Variants in ZNF81 observed in about 807,000 individuals in gnomAD.
The protein encoded by ZNF81 is zinc finger protein 81 (HFZ20).
Under a neutral mutation model 32.3 loss-of-function variants are expected in ZNF81, and 5 were observed. The observed-to-expected ratio is 0.15, with a 90% CI of 0.08 to 0.33. ZNF81 has a LOEUF of 0.33. Among genes scored for constraint, ZNF81 ranks in the 10% least tolerant of loss-of-function variants. The probability of loss-of-function intolerance (pLI) is 1.00; values close to 1 mark genes in which losing one functional copy is unlikely to be tolerated. For synonymous variants in ZNF81, 163 were observed against 166.8 expected, an observed-to-expected ratio of 0.98 and a Z score of 0.17; for missense variants, 379 against 479.8, an observed-to-expected ratio of 0.79 and a Z score of 1.96.
At chrX:47,869,679 A>ATTTTG (rs782420758) in intron 2 of ZNF81, among the ~76,000 whole-genome samples, 1 of 109,092 alleles carries the variant, frequency 9.2e-6, no homozygotes, top group African/African-American at 3.4e-5. Context: ...GTTTTTTTTT[A>ATTTTG]TTTTGTTTTG....
chrX:47,891,964 G>A (rs1463618707), intron 3 of ZNF81, among the ~76,000 whole-genome samples: 1 of 111,411 alleles, frequency 9.0e-6, no homozygotes, highest in African/African-American at 3.3e-5. Context: ...AGGGGTTCTG[G>A]GTCTGAGTCT....
At chrX:47,865,220 A>C (rs186522726) in intron 2 of ZNF81, among the ~76,000 whole-genome samples, 26 of 112,000 alleles carry the variant, frequency 2.3e-4, no homozygotes, top group African/African-American at 8.4e-4. Context: ...GGGACAGGCC[A>C]GTTATACTCT....
rs916454261 is a variant in ZNF81, at chrX:47,914,785, A to G, written c.278-139A>G. ...TAAGAGTTTGGCACATAAAAGTGCTATATATGTATTTCCTGTCATCATTGT... is the reference window on the plus strand; with the variant it reads ...TAAGAGTTTGGCACATAAAAGTGCTGTATATGTATTTCCTGTCATCATTGT... On this transcript the variant is annotated intron_variant, in intron 4 of 4. Transcript: ENST00000338637. 54 of 553,517 alleles carry G rather than the reference A, an allele frequency of 9.8e-5. No individual in the cohort carries two copies. The African/African-American group carries it at 1.2e-3, about 12-fold the overall frequency. The allele number at this position is 553,517 out of a possible 1,213,427, so 45.6% of individuals were successfully genotyped here.
chrX:47,866,461 G>A (rs2149392), intron 2 of ZNF81, among the ~76,000 whole-genome samples: 48,181 of 110,683 alleles, frequency 0.44, 7,821 homozygotes, highest in East Asian at 0.63. Context: ...GTAGCCGGGC[G>A]GATTCATGTT....
intron 3 of ZNF81, among the ~76,000 whole-genome samples, chrX:47,891,694 A>C (rs1556886493): frequency 8.9e-6 from 1 of 112,128 alleles, no homozygotes; most frequent in East Asian, 2.8e-4. Flanking sequence ...CTAAAACTCC[A>C]TTAACCACTA....
chrX:47,910,393 AAAAC>A (rs1329130200), intron 4 of ZNF81, among the ~76,000 whole-genome samples: 3 of 112,016 alleles, frequency 2.7e-5, no homozygotes, highest in African/African-American at 6.5e-5. Context: ...TTACAAGAAA[AAAAC>A]AAACAACCCC....
chrX:47,846,419 C>T, intron 2 of ZNF81, 98 bp downstream of exon 2: 5 of 1,023,356 alleles, frequency 4.9e-6, no homozygotes, highest in Non-Finnish European at 6.7e-6. Flanking sequence ...CTTTTTTTAG[C>T]AGGCAGGAAA....
intron 2 of ZNF81, among the ~76,000 whole-genome samples, chrX:47,877,685 A>T (rs1316866247): frequency 8.9e-6 from 1 of 111,754 alleles, no homozygotes; most frequent in Non-Finnish European, 1.9e-5. Context: ...GCACAGTAGC[A>T]ACTTCTTATT....
rs185895547 is a variant in ZNF81, at chrX:47,925,379, G to A, written c.*8747G>A. Among the ~76,000 whole-genome samples, 1,169 of 111,496 alleles carry A rather than the reference G, an allele frequency of 0.01. 8 individuals are homozygous for A. The highest frequency in any genetic ancestry group is 0.017 in the Non-Finnish European group (901 of 52,994). ...TTTCTATTGTTATAGATTAGTTTGC[G>A]TTTCCTACAATTTTATACACATGGA... is the stretch of plus-strand genomic sequence containing the variant. On this transcript the variant is annotated 3_prime_UTR_variant, in exon 5 of 5. Transcript: ENST00000338637.
intron 3 of ZNF81, among the ~76,000 whole-genome samples, chrX:47,895,011 G>T (rs970975041): frequency 9.0e-6 from 1 of 111,458 alleles, no homozygotes; most frequent in African/African-American, 3.3e-5. Context: ...TGTGATTTTT[G>T]ACTTACAAGT....
Position 47,839,934 on chromosome X carries a change from A to T in ZNF81, c.-164+2947A>T, listed in dbSNP as rs200578832. On this transcript the variant is annotated intron_variant, in intron 1 of 4. Transcript: ENST00000338637. ...TTAAAATATTGTGAGTTTTTTTTGC[A>T]TTTTTTTTAAAGCTCATCAGCTATC... 0.014 allele frequency among the ~76,000 whole-genome samples: 1,530 copies of T among 107,980 alleles called. 77 individuals are homozygous for T. The East Asian group carries it at 0.17, about 12-fold the overall frequency. The allele number at this position is 107,980 out of a possible 115,157, so 93.8% of individuals were successfully genotyped here. A position where few individuals can be genotyped will look rare whatever the true frequency, so the allele number is the denominator to read the frequency against.
At chrX:47,872,953 T>C (rs2058585936) in intron 2 of ZNF81, among the ~76,000 whole-genome samples, 1 of 111,312 alleles carries the variant, frequency 9.0e-6, no homozygotes, top group African/African-American at 3.3e-5. Flanking sequence ...TGTTTCAGTT[T>C]GGGGTACTTT....
intron 2 of ZNF81, among the ~76,000 whole-genome samples, chrX:47,868,862 A>G (rs1246323285): frequency 9.7e-6 from 1 of 102,685 alleles, no homozygotes; most frequent in Non-Finnish European, 2.0e-5. Flanking sequence ...CAGTTCAAGA[A>G]AAACCATCTA....
In ZNF81 at chrX:47,915,389, G is replaced by A. The variant is rs1556890539; in HGVS notation, c.743G>A (p.Arg248His). 4.1e-6 allele frequency: 5 copies of A among 1,209,920 alleles called. No individual in the cohort carries two copies. The highest frequency in any genetic ancestry group is 1.8e-5 in the South Asian group (1 of 56,841). ...CATACAGGAGTGAAGTTCTGTGAAC[G>A]TAATCAATGTGGAAAAGTCCTCAGC... ...NTHTGVKFCERNQCGKVLSLK... is the reference protein window; with the variant it reads ...NTHTGVKFCEHNQCGKVLSLK... Residue 248 changes from arginine to histidine, a missense_variant, in exon 5 of 5, where the codon CGT (arginine) becomes CAT (histidine). Around this residue, in one of 2 missense-constraint regions of ZNF81, gnomAD observed 277 missense variants for 306.6 expected, o/e 0.90. Transcript: ENST00000338637.
intron 3 of ZNF81, among the ~76,000 whole-genome samples, chrX:47,895,567 A>T (rs1264535858): frequency 1.8e-5 from 2 of 111,676 alleles, no homozygotes; most frequent in African/African-American, 6.5e-5. Context: ...ATAAGAGACA[A>T]TAAATTTCTG....
At chrX:47,865,050 G>A (rs1470657628) in intron 2 of ZNF81, among the ~76,000 whole-genome samples, 2 of 112,180 alleles carry the variant, frequency 1.8e-5, no homozygotes, top group African/African-American at 3.2e-5. Flanking sequence ...TTTCAGCTTA[G>A]CCAGACCATT....
At chrX:47,890,422 T>G (rs2058658437) in intron 3 of ZNF81, among the ~76,000 whole-genome samples, 1 of 112,134 alleles carries the variant, frequency 8.9e-6, no homozygotes, top group South Asian at 3.7e-4. Context: ...TCTGGCCCAA[T>G]AGCAAGCCAA....
intron 2 of ZNF81, among the ~76,000 whole-genome samples, chrX:47,856,943 C>A (rs1327256428): frequency 9.1e-6 from 1 of 110,451 alleles, no homozygotes; most frequent in Non-Finnish European, 1.9e-5. Flanking sequence ...GAGACTCCTT[C>A]TCGAAAAAAG....
At chrX:47,856,048 C>CAA (rs61300154) in intron 2 of ZNF81, among the ~76,000 whole-genome samples, 14 of 48,655 alleles carry the variant, frequency 2.9e-4, no homozygotes, top group East Asian at 5.8e-4. Flanking sequence ...GACTCTGCCT[C>CAA]AAAAAAAAAA....
Sources: allele counts gnomAD v4.1 joint callset (sites outside exome capture counted in the v4.1 genomes callset), GRCh38; gene constraint gnomAD v4.1.1; regional missense constraint gnomAD v4.1.1; transcripts MANE v1.5; gene names NCBI Gene and HGNC (gene_info 2026-07-23, HGNC 2026-07-21).